The following CD200R1 variants were observed in gnomAD, a reference collection of about 807,000 sequenced individuals.
The protein encoded by CD200R1 is CD200 receptor 1, also known as cell surface glycoprotein CD200 receptor 1.
Under a neutral mutation model 38.1 loss-of-function variants are expected in CD200R1, and 30 were observed. That is an observed-to-expected ratio of 0.79 (90% CI 0.59 to 1.07). The LOEUF (loss-of-function observed/expected upper bound fraction) is 1.07, where lower values mean the gene tolerates loss of function less well. CD200R1 is among the 50% of genes least tolerant of loss of function. The probability of loss-of-function intolerance (pLI) is 0.00; values close to 1 mark genes in which losing one functional copy is unlikely to be tolerated. For synonymous variants in CD200R1, 128 were observed against 152.1 expected (o/e 0.84, Z 1.16); for missense variants, 372 against 415.4 (o/e 0.90, Z 0.91).
intron 2 of CD200R1, among the ~76,000 whole-genome samples, chr3:112,939,865 A>C (rs1384268431): frequency 9.9e-6 from 1 of 100,896 alleles, no homozygotes; most frequent in Non-Finnish European, 2.0e-5. Flanking sequence ...AAAAACAAAC[A>C]AACCAAAAAA....
chr3:112,966,318 T>C (rs1229045658), intron 1 of CD200R1, among the ~76,000 whole-genome samples: 1 of 152,240 alleles, frequency 6.6e-6, no homozygotes, highest in Non-Finnish European at 1.5e-5. Flanking sequence ...AGGCTTAAGC[T>C]CTATAGGCAA....
chr3:112,928,588 G>A (rs2107302710), intron 5 of CD200R1, among the ~76,000 whole-genome samples: 1 of 152,146 alleles, frequency 6.6e-6, no homozygotes, highest in East Asian at 1.9e-4. Context: ...TACTAGCATA[G>A]AAGTGAACAT....
intron 1 of CD200R1, among the ~76,000 whole-genome samples, chr3:112,957,931 A>G (rs1189766069): frequency 6.6e-6 from 1 of 152,214 alleles, no homozygotes; most frequent in Non-Finnish European, 1.5e-5. Flanking sequence ...TATAAAACAT[A>G]GTGAGATAAT....
At chr3:112,965,134 A>G (rs1385569727) in intron 1 of CD200R1, among the ~76,000 whole-genome samples, 1 of 152,208 alleles carries the variant, frequency 6.6e-6, no homozygotes, top group African/African-American at 2.4e-5. Context: ...GGACTATTAT[A>G]CCAAGTAAAG....
intron 1 of CD200R1, among the ~76,000 whole-genome samples, chr3:112,965,159 C>T (rs12233417): frequency 0.028 from 4,316 of 152,190 alleles, 190 homozygotes; most frequent in East Asian, 0.21. Context: ...GGTTTCAAGA[C>T]AGGAAGAATC....
Position 112,931,150 on chromosome 3 carries a change from T to C in CD200R1, c.158A>G (p.Asp53Gly). The part of the protein sequence containing the change: ...HALASSSLCM[D>G]EKQITQNYSK... ...GTAGTTCTGTGTAATCTGTTTTTCATCCATACATAAACTGCTTGAAGCTAG... is the reference window on the plus strand; with the variant it reads ...GTAGTTCTGTGTAATCTGTTTTTCACCCATACATAAACTGCTTGAAGCTAG... Residue 53 changes from aspartate (D) to glycine (G), a missense_variant, in exon 3 of 8, where the codon GAT becomes GGT. Coordinates refer to ENST00000308611, the MANE Select transcript of CD200R1 (RefSeq NM_138806.4). 1 of 1,608,338 alleles carries C rather than the reference T, an allele frequency of 6.2e-7. No individual in the cohort carries two copies. The highest frequency in any genetic ancestry group is 8.5e-7 in the Non-Finnish European group (1 of 1,174,692).
At chr3:112,965,633 C>T (rs769935335) in intron 1 of CD200R1, among the ~76,000 whole-genome samples, 23 of 152,158 alleles carry the variant, frequency 1.5e-4, no homozygotes, top group Admixed American at 3.3e-4. Flanking sequence ...CAGTGGCGCA[C>T]GCCTGTAGTC....
chr3:112,966,390 C>A (rs558619169), intron 1 of CD200R1, among the ~76,000 whole-genome samples: 1 of 152,260 alleles, frequency 6.6e-6, no homozygotes, highest in Admixed American at 6.5e-5. Context: ...TTAGAACCAT[C>A]CCTGGGGAAC....
chr3:112,929,487 T>C lies in CD200R1; in HGVS notation c.223A>G (p.Lys75Glu), dbSNP rs1260557017. 1 of 1,613,362 alleles carries C rather than the reference T, an allele frequency of 6.2e-7. No individual in the cohort carries two copies. The highest frequency in any genetic ancestry group is 8.5e-7 in the Non-Finnish European group (1 of 1,179,710). Residue 75 changes from lysine to glutamate, a missense_variant, in exon 4 of 8, where the codon AAG becomes GAG. Lys to Glu is a moderately conservative substitution (Grantham distance 56). Coordinates refer to ENST00000308611, the MANE Select transcript of CD200R1 (RefSeq NM_138806.4). Reference sequence around the variant, plus strand: ...CAAAGCACAGCATTTGTAGCCATCTTTACAGGCCATGAAGTGTTAACTGGA... The same window carrying C: ...CAAAGCACAGCATTTGTAGCCATCTCTACAGGCCATGAAGTGTTAACTGGA... ...LAEVNTSWPV[K>E]MATNAVLCCP...
At position 112,923,502 on chromosome 3, in the gene CD200R1, G is replaced by T. The variant is rs1559942526; in HGVS notation, c.*175C>A. 4.9e-6 allele frequency: 2 copies of T among 411,642 alleles called. No homozygotes were observed. The highest frequency in any genetic ancestry group is 8.6e-5 in the East Asian group (2 of 23,122). The allele number at this position is 411,642 out of a possible 1,614,324, so 25.5% of individuals were successfully genotyped here. On this transcript the variant is annotated 3_prime_UTR_variant, in exon 8 of 8. Coordinates refer to ENST00000308611, the MANE Select transcript of CD200R1 (RefSeq NM_138806.4). ...CAGAGAACTAGCTGGTAGCAGCTAA[G>T]AATCAAAAATTCCAATTATACAAGG...
In CD200R1 at chr3:112,929,057, A is replaced by C. The variant is rs760453111; in HGVS notation, c.528T>G (p.Pro176=). The part of the protein sequence containing the change: ...RGYHLQVLVT[P]EVTLFQNRNR... ...TCCTGTTTTGAAACAGGGTCACTTCAGGTGTAACTGCAGAGAGGAAAGAGG... is the reference window on the plus strand; with the variant it reads ...TCCTGTTTTGAAACAGGGTCACTTCCGGTGTAACTGCAGAGAGGAAAGAGG... The change falls in exon 5 of 8, where the codon CCT becomes CCG. Residue 176 remains proline (P), a synonymous_variant. Coordinates refer to ENST00000308611, the MANE Select transcript of CD200R1 (RefSeq NM_138806.4). 1 of 1,613,806 alleles carries C rather than the reference A, an allele frequency of 6.2e-7. No homozygotes were observed. The highest frequency in any genetic ancestry group is 1.1e-5 in the South Asian group (1 of 91,080).
At chr3:112,973,620 A>G (rs1432870536) in intron 1 of CD200R1, among the ~76,000 whole-genome samples, 1 of 152,238 alleles carries the variant, frequency 6.6e-6, no homozygotes, top group Non-Finnish European at 1.5e-5. Flanking sequence ...AGGTGCAGTC[A>G]AAGAGTGTAG....
chr3:112,966,947 A>G (rs1933180169), intron 1 of CD200R1, among the ~76,000 whole-genome samples: 1 of 152,122 alleles, frequency 6.6e-6, no homozygotes, highest in African/African-American at 2.4e-5. Context: ...TTTCAAGGTC[A>G]CCAGCCCTTT....
intron 2 of CD200R1, 66 bp downstream of exon 2, chr3:112,947,790 A>G (rs1030336233): frequency 2.0e-6 from 2 of 1,014,692 alleles, no homozygotes; most frequent in African/African-American, 3.2e-5. Flanking sequence ...AAGATCCAAA[A>G]ATGTAAAACC....
chr3:112,951,521 C>T (rs980256721), intron 1 of CD200R1, among the ~76,000 whole-genome samples: 3 of 151,700 alleles, frequency 2.0e-5, no homozygotes, highest in Non-Finnish European at 4.4e-5. Context: ...ACTATACAAA[C>T]ACCTTACAAA....
Position 112,949,853 on chromosome 3 carries a change from C to T in CD200R1, c.68-1929G>A, listed in dbSNP as rs114283052. ...AGATCTGAACGGGAATAGTTAAGTT[C>T]GGGAAGAGACAATTGTCAGAATTCA... On this transcript the variant is annotated intron_variant, in intron 1 of 7. Transcript: ENST00000308611. Among the ~76,000 whole-genome samples the T allele has an allele frequency of 6.4e-4, 97 of 152,262 alleles. 1 individual carries two copies. The South Asian group carries it at 0.019, about 29-fold the overall frequency.
intron 5 of CD200R1, among the ~76,000 whole-genome samples, chr3:112,927,839 C>T (rs989986944): frequency 2.0e-5 from 3 of 151,902 alleles, no homozygotes; most frequent in Non-Finnish European, 2.9e-5. Context: ...TGATAGTTCA[C>T]GATAGGTACA....
intron 1 of CD200R1, among the ~76,000 whole-genome samples, chr3:112,957,441 C>T (rs1025180963): frequency 1.3e-5 from 2 of 151,644 alleles, no homozygotes; most frequent in African/African-American, 2.4e-5. Flanking sequence ...ACTGGTTATA[C>T]ATATGCAAAA....
chr3:112,935,743 T>C (rs1035421730), intron 2 of CD200R1, among the ~76,000 whole-genome samples: 57 of 152,194 alleles, frequency 3.7e-4, no homozygotes, highest in African/African-American at 1.3e-3. Context: ...TCAATGAAAC[T>C]GAACCTAAAA....
Sources: gnomAD v4.1 joint callset for allele counts (sites outside exome capture counted in the v4.1 genomes callset) on GRCh38, gnomAD v4.1.1 for gene constraint, MANE v1.5 for transcripts, NCBI Gene and HGNC (gene_info 2026-07-23, HGNC 2026-07-21) for gene names.